MKKS: variants seen among roughly 807,000 people sequenced by gnomAD.
MKKS encodes the protein MKKS centrosomal shuttling protein.
Under a neutral mutation model 33.2 loss-of-function variants are expected in MKKS, and 29 were observed. The observed-to-expected ratio is 0.87, with a 90% CI of 0.65 to 1.19. The LOEUF is 1.19. Among genes scored for constraint, MKKS ranks in the 50% most tolerant of loss-of-function variants. The probability of loss-of-function intolerance (pLI) is 0.00; values close to 1 mark genes in which losing one functional copy is unlikely to be tolerated. For synonymous variants in MKKS, 260 were observed against 244.0 expected (o/e 1.07, Z -0.61); for missense variants, 661 against 662.3 (o/e 1.00, Z 0.02).
intron 5 of MKKS, 80 bp downstream of exon 5, chr20:10,407,536 T>C: frequency 8.7e-7 from 1 of 1,142,946 alleles, no homozygotes; most frequent in South Asian, 1.3e-5. Context: ...GACTATAGGA[T>C]ATTATGATTT....
intron 1 of MKKS, among the ~76,000 whole-genome samples, chr20:10,427,028 T>TCACACACACACA (rs1568673250): frequency 1.6e-5 from 1 of 61,434 alleles, no homozygotes. Context: ...AAGAAAACAC[T>TCACACACACACA]GACACACACA....
intron 1 of MKKS, among the ~76,000 whole-genome samples, chr20:10,430,433 T>G (rs555322436): frequency 1.3e-5 from 2 of 152,312 alleles, no homozygotes; most frequent in South Asian, 4.1e-4. Flanking sequence ...TTGTCTGGGC[T>G]CAGTAATTGT....
chr20:10,410,704 C>T (rs1479005921), intron 3 of MKKS, among the ~76,000 whole-genome samples: 4 of 152,088 alleles, frequency 2.6e-5, no homozygotes, highest in African/African-American at 9.7e-5. Context: ...CACTACACAA[C>T]CTATATCATT....
chr20:10,402,876 C>T lies in MKKS; in HGVS notation c.*2371G>A, dbSNP rs1175219414. 3 of 152,156 alleles carry T rather than the reference C, an allele frequency of 2.0e-5. No individual in the cohort carries two copies. Among genetic ancestry groups the T allele is most frequent in the Non-Finnish European group, 4.4e-5 (3 of 68,030 alleles). 9.4% of individuals were successfully genotyped at this position (152,156 alleles called of 1,614,324 possible). ...ATTACAAATAAGCTTTTCCTCCTGC[C>T]TTTATTAGATAGCTATTGCTGTATA... On this transcript the variant is annotated 3_prime_UTR_variant, in exon 6 of 6. Transcript: ENST00000347364.
Position 10,405,208 on chromosome 20 carries a change from G to A in MKKS, c.*39C>T. The A allele has an allele frequency of 6.6e-7, 1 of 1,521,466 alleles. No individual in the cohort carries two copies. 94.2% of individuals were successfully genotyped at this position (1,521,466 alleles called of 1,614,324 possible). On this transcript the variant is annotated 3_prime_UTR_variant, in exon 6 of 6. Coordinates refer to ENST00000347364, the MANE Select transcript of MKKS (RefSeq NM_170784.3). ...ATTTTTCTCAATTGCCAACAGACTA[G>A]TTTATTTGTTTCTCTTGTAATACGA...
chr20:10,407,068 C>A (rs566405098), intron 5 of MKKS, among the ~76,000 whole-genome samples: 2 of 152,250 alleles, frequency 1.3e-5, no homozygotes, highest in Admixed American at 6.5e-5. Flanking sequence ...TCAAAAAATT[C>A]TATTTAGTAT....
intron 1 of MKKS, among the ~76,000 whole-genome samples, chr20:10,428,027 A>G (rs1172437455): frequency 2.6e-5 from 4 of 152,240 alleles, no homozygotes; most frequent in African/African-American, 7.2e-5. Flanking sequence ...ATTGCTGTGA[A>G]TTTAATGTAT....
At chr20:10,422,215 G>A (rs1218240040) in intron 1 of MKKS, among the ~76,000 whole-genome samples, 1 of 151,800 alleles carries the variant, frequency 6.6e-6, no homozygotes, top group African/African-American at 2.4e-5. Context: ...ATTTTATAAG[G>A]ACTTTGTGGC....
chr20:10,425,053 CAA>C (rs372986156), intron 1 of MKKS, among the ~76,000 whole-genome samples: 9 of 122,264 alleles, frequency 7.4e-5, no homozygotes, highest in Non-Finnish European at 8.8e-5. Context: ...AACTCCGTCT[CAA>C]AAAAAAAAAA....
intron 3 of MKKS, among the ~76,000 whole-genome samples, chr20:10,411,424 T>TTTAA (rs1342559148): frequency 6.6e-6 from 1 of 152,128 alleles, no homozygotes; most frequent in African/African-American, 2.4e-5. Context: ...TGTCCCATAT[T>TTTAA]TTAAAAATGA....
intron 1 of MKKS, among the ~76,000 whole-genome samples, chr20:10,422,659 A>C (rs578005859): frequency 6.6e-6 from 1 of 152,118 alleles, no homozygotes; most frequent in African/African-American, 2.4e-5. Context: ...TCAATACTTA[A>C]GGTGACTTTG....
chr20:10,416,613 A>G (rs555015735), intron 2 of MKKS, among the ~76,000 whole-genome samples: 2 of 152,370 alleles, frequency 1.3e-5, no homozygotes, highest in Admixed American at 6.5e-5. Flanking sequence ...AAAGGGAATT[A>G]CAGGGATAAA....
chr20:10,433,127 C>T (rs1038863784), intron 1 of MKKS, among the ~76,000 whole-genome samples: 1 of 152,258 alleles, frequency 6.6e-6, no homozygotes, highest in East Asian at 1.9e-4. Context: ...CCTCAACCTC[C>T]CAAGTAGCTG....
chr20:10,412,083 A>T (rs1198085315), intron 3 of MKKS, among the ~76,000 whole-genome samples: 2 of 152,212 alleles, frequency 1.3e-5, no homozygotes, highest in African/African-American at 4.8e-5. Flanking sequence ...CCCTCCCATT[A>T]GAAACAACTA....
chr20:10,408,608 ATTCAAAG>A lies in MKKS; in HGVS notation c.1161+13_1161+19del, dbSNP rs756277808. The A allele has an allele frequency of 6.2e-7, 1 of 1,612,982 alleles. No homozygotes were observed. The highest frequency in any genetic ancestry group is 1.7e-5 in the Admixed American group (1 of 60,016). ...TCCTCCCTCAGCCTCTGCATATGGAATTCAAAGTTCATTACCTACCTTCAGCTCATCC... is the reference window on the plus strand; with the variant it reads ...TCCTCCCTCAGCCTCTGCATATGGAATTCATTACCTACCTTCAGCTCATCC... On this transcript the variant is annotated intron_variant, in intron 4 of 5. Transcript: ENST00000347364.
At chr20:10,432,038 C>T (rs1264605122) in intron 1 of MKKS, 1 of 152,334 alleles carries the variant, frequency 6.6e-6, no homozygotes, top group African/African-American at 2.4e-5. Flanking sequence ...TTCCCCAGCT[C>T]CTGGAAGAGC....
chr20:10,428,318 C>T (rs1182240781), intron 1 of MKKS, among the ~76,000 whole-genome samples: 1 of 152,138 alleles, frequency 6.6e-6, no homozygotes, highest in East Asian at 1.9e-4. Context: ...TGTTCCAGAT[C>T]AGATACCTAG....
chr20:10,422,703 GTTATA>G (rs537916933), intron 1 of MKKS, among the ~76,000 whole-genome samples: 98 of 149,304 alleles, frequency 6.6e-4, no homozygotes, highest in African/African-American at 2.3e-3. Flanking sequence ...AGGTTATCAA[GTTATA>G]TTATCTTTTT....
intron 1 of MKKS, among the ~76,000 whole-genome samples, chr20:10,422,201 T>C (rs1003412478): frequency 6.6e-6 from 1 of 152,174 alleles, no homozygotes; most frequent in Middle Eastern, 3.2e-3. Context: ...AGGTCTCAAT[T>C]CATATTTTAT....
Sources: gnomAD v4.1 joint callset for allele counts (sites outside exome capture counted in the v4.1 genomes callset) on GRCh38, gnomAD v4.1.1 for gene constraint, MANE v1.5 for transcripts, NCBI Gene and HGNC (gene_info 2026-07-23, HGNC 2026-07-21) for gene names.